IPO8: variants seen among roughly 807,000 people sequenced by gnomAD.
The protein encoded by IPO8 is importin 8, also known as importin-8.
A neutral mutation model predicts 141.2 loss-of-function variants in IPO8; 65 were observed. That is an observed-to-expected ratio of 0.46 (90% confidence interval 0.38 to 0.57). The LOEUF (loss-of-function observed/expected upper bound fraction) is 0.57. Among genes scored for constraint, IPO8 ranks in the 20% least tolerant of loss-of-function variants. The probability of loss-of-function intolerance (pLI) is 0.00; values close to 1 mark genes in which losing one functional copy is unlikely to be tolerated. For missense variants in IPO8, 980 were observed against 1,246.8 expected, an observed-to-expected ratio of 0.79 and a Z score of 3.22; for synonymous variants, 411 against 420.3, an observed-to-expected ratio of 0.98 and a Z score of 0.27.
chr12:30,638,851 T>G (rs897693917), intron 21 of IPO8, among the ~76,000 whole-genome samples: 1 of 152,142 alleles, frequency 6.6e-6, no homozygotes, highest in African/African-American at 2.4e-5. Context: ...GTGTGCTTTT[T>G]TAGTAGAGAT....
intron 20 of IPO8, among the ~76,000 whole-genome samples, chr12:30,643,742 T>G (rs1252195953): frequency 6.6e-6 from 1 of 152,242 alleles, no homozygotes; most frequent in East Asian, 1.9e-4. Context: ...TTTTGCCCCT[T>G]CGCATACATC....
Position 30,639,888 on chromosome 12 carries a change from T to C in IPO8, c.2269-153A>G, listed in dbSNP as rs113801486. Among the ~76,000 whole-genome samples, 1,452 of 152,316 alleles carry C rather than the reference T, an allele frequency of 9.5e-3. 17 individuals are homozygous for C. Among genetic ancestry groups the C allele is most frequent in the African/African-American group, 0.033 (1,380 of 41,570 alleles). ...ATTTTAGAGGTATTTAAAAGATTTATATTATTATAACAACCTAGAGAGACT... is the reference window on the plus strand; with the variant it reads ...ATTTTAGAGGTATTTAAAAGATTTACATTATTATAACAACCTAGAGAGACT... On this transcript the variant is annotated intron_variant, in intron 20 of 24. Coordinates refer to ENST00000256079, the MANE Select transcript of IPO8 (RefSeq NM_006390.4).
intron 22 of IPO8, 116 bp downstream of exon 22, chr12:30,636,866 G>T: frequency 1.2e-6 from 1 of 844,730 alleles, no homozygotes; most frequent in Non-Finnish European, 1.9e-6. Context: ...TGTTATATGT[G>T]TAGCAGGCCG....
chr12:30,672,957 TAAAAA>T (rs140703917), intron 8 of IPO8, among the ~76,000 whole-genome samples: 1 of 147,664 alleles, frequency 6.8e-6, no homozygotes, highest in African/African-American at 2.5e-5. Context: ...AAGAGCTATT[TAAAAA>T]AAAAAAATCT....
chr12:30,690,116 C>T (rs1356018055), intron 2 of IPO8, among the ~76,000 whole-genome samples: 1 of 152,176 alleles, frequency 6.6e-6, no homozygotes, highest in African/African-American at 2.4e-5. Flanking sequence ...CATGATTTGC[C>T]ACGTAACAGA....
chr12:30,646,079 T>TA (rs1226495059), intron 20 of IPO8, among the ~76,000 whole-genome samples: 2 of 152,154 alleles, frequency 1.3e-5, no homozygotes, highest in African/African-American at 2.4e-5. Context: ...TAGAGATCAA[T>TA]ATATATTATG....
At chr12:30,666,437 A>G (rs1048195398) in intron 10 of IPO8, among the ~76,000 whole-genome samples, 186 bp from the exon 11 acceptor site, 8 of 152,208 alleles carry the variant, frequency 5.3e-5, no homozygotes, top group African/African-American at 1.2e-4. Context: ...GCACAAAACA[A>G]TGTTCCTCAA....
rs145133058 is a variant in IPO8 at position 30,684,571 on chromosome 12, A to G, written c.167-114T>C. The G allele has an allele frequency of 6.6e-4, 646 of 979,180 alleles. 2 individuals are homozygous for G. The African/African-American group carries it at 9.5e-3, about 14-fold the overall frequency. 60.7% of individuals were successfully genotyped at this position (979,180 alleles called of 1,614,324 possible). ...ATGTTAAACATGAAACCCAGCAAAA[A>G]TGGATACTCTTACAGGTATAAACAG... On this transcript the variant is annotated intron_variant, in intron 2 of 24. Coordinates refer to ENST00000256079, the MANE Select transcript of IPO8 (RefSeq NM_006390.4).
chr12:30,645,304 C>T (rs1455452381), intron 20 of IPO8, among the ~76,000 whole-genome samples: 1 of 149,814 alleles, frequency 6.7e-6, no homozygotes, highest in Non-Finnish European at 1.5e-5. Context: ...ACCCAGGAGG[C>T]GGAGGTTGCA....
chr12:30,653,709 C>T (rs977134916), intron 17 of IPO8, among the ~76,000 whole-genome samples: 1 of 152,148 alleles, frequency 6.6e-6, no homozygotes, highest in Admixed American at 6.5e-5. Flanking sequence ...TATATCTACA[C>T]GTACAGCCAG....
At chr12:30,631,794 A>C in intron 24 of IPO8, 101 bp downstream of exon 24, 1 of 696,376 alleles carries the variant, frequency 1.4e-6, no homozygotes, top group Non-Finnish European at 2.5e-6. Context: ...AGTCTCTAAC[A>C]ATTTCAAAAA....
intron 24 of IPO8, 111 bp downstream of exon 24, chr12:30,631,784 A>G: frequency 1.5e-6 from 1 of 665,670 alleles, no homozygotes; most frequent in Non-Finnish European, 2.7e-6. Flanking sequence ...TTAAAGGGTA[A>G]GTCTCTAACA....
In IPO8 at chr12:30,660,797, G is replaced by A. The variant is rs186361495; in HGVS notation, c.1881+344C>T. Among the ~76,000 whole-genome samples the A allele has an allele frequency of 3.9e-5, 6 of 152,160 alleles. No individual in the cohort carries two copies. In the East Asian group the frequency reaches 1.2e-3, roughly 29 times the overall value. ...CACTCTCTACCAAGAATTCTAGATT[G>A]TTGGTTCCCAGAAAGCTGGGCTCAT... On this transcript the variant is annotated intron_variant, in intron 16 of 24. Transcript: ENST00000256079.
Position 30,695,502 on chromosome 12 carries a change from C to T in IPO8, c.84+62G>A. On this transcript the variant is annotated intron_variant, in intron 1 of 24. Transcript: ENST00000256079. The surrounding 1 kb of genome is among the most constrained non-coding windows in gnomAD (Gnocchi z 4.2). ...GACGAGGGGCGCCGGGGAGAGGGAGCCCGGCCAGCCGGCAGGGGCGCCCCT... is the reference window on the plus strand; with the variant it reads ...GACGAGGGGCGCCGGGGAGAGGGAGTCCGGCCAGCCGGCAGGGGCGCCCCT... The T allele has an allele frequency of 2.0e-6, 3 of 1,483,484 alleles. No homozygotes were observed. Among genetic ancestry groups the T allele is most frequent in the Non-Finnish European group, 2.8e-6 (3 of 1,066,174 alleles). 91.9% of individuals were successfully genotyped at this position (1,483,484 alleles called of 1,614,324 possible).
chr12:30,690,291 A>T (rs1485775788), intron 2 of IPO8, among the ~76,000 whole-genome samples: 2 of 152,246 alleles, frequency 1.3e-5, no homozygotes, highest in African/African-American at 2.4e-5. Flanking sequence ...GAGGAAAAAA[A>T]AGAGCTAGAA....
chr12:30,693,206 T>G (rs927802150), intron 1 of IPO8, among the ~76,000 whole-genome samples: 1 of 152,198 alleles, frequency 6.6e-6, no homozygotes, highest in African/African-American at 2.4e-5. Flanking sequence ...TATTCCTCTA[T>G]GCTGCCTCTA....
intron 20 of IPO8, among the ~76,000 whole-genome samples, chr12:30,648,883 C>T (rs903706751): frequency 7.3e-6 from 1 of 137,710 alleles, no homozygotes; most frequent in South Asian, 2.2e-4. Flanking sequence ...AGAATTTATA[C>T]GTTTCCTTCA....
At chr12:30,682,872 G>C (rs758161219) in intron 3 of IPO8, among the ~76,000 whole-genome samples, 1 of 151,992 alleles carries the variant, frequency 6.6e-6, no homozygotes. Flanking sequence ...TTGAGAATAG[G>C]TGGAAGAAAT....
intron 19 of IPO8, 91 bp from the exon 20 acceptor site, chr12:30,649,323 C>T: frequency 1.2e-6 from 1 of 840,418 alleles, no homozygotes; most frequent in Non-Finnish European, 1.9e-6. Flanking sequence ...TAAATTCAGC[C>T]ATAGGAACCA....
Sources: allele counts gnomAD v4.1 joint callset (sites outside exome capture counted in the v4.1 genomes callset), GRCh38; gene constraint gnomAD v4.1.1; non-coding constraint Gnocchi (gnomAD v3.1); transcripts MANE v1.5; gene names NCBI Gene and HGNC (gene_info 2026-07-23, HGNC 2026-07-21).